Variants in PCM1 observed in about 807,000 individuals in gnomAD.
PCM1 encodes the protein pericentriolar material 1.
A neutral mutation model predicts 241.9 loss-of-function variants in PCM1; 157 were observed. The observed-to-expected ratio is 0.65, with a 90% CI of 0.57 to 0.74. The LOEUF is 0.74. Among genes scored for constraint, PCM1 ranks in the 30% least tolerant of loss-of-function variants. The pLI is 0.00. For synonymous variants in PCM1, 1,085 were observed against 784.9 expected (o/e 1.38, Z -6.39); for missense variants, 3,478 against 2,360.1 (o/e 1.47, Z -9.81).
intron 9 of PCM1, among the ~76,000 whole-genome samples, chr8:17,953,517 C>T (rs957761344): frequency 1.3e-5 from 2 of 151,686 alleles, no homozygotes; most frequent in African/African-American, 4.8e-5. Context: ...CAAAATTTTC[C>T]CTTAAAGAAA....
chr8:17,969,062 T>G (rs1410878079), intron 21 of PCM1, among the ~76,000 whole-genome samples: 1 of 152,072 alleles, frequency 6.6e-6, no homozygotes, highest in Non-Finnish European at 1.5e-5. Flanking sequence ...CAAATAGCTC[T>G]GATACATAAC....
At chr8:17,946,571 A>G (rs2063841282) in intron 6 of PCM1, among the ~76,000 whole-genome samples, 1 of 151,430 alleles carries the variant, frequency 6.6e-6, no homozygotes, top group Non-Finnish European at 1.5e-5. Context: ...GTCTCAGCTC[A>G]CTGCAATCTC....
intron 2 of PCM1, chr8:17,926,675 C>G (rs1235407399): frequency 6.6e-6 from 1 of 152,132 alleles, no homozygotes; most frequent in East Asian, 1.9e-4. Flanking sequence ...AGGATGCTAG[C>G]TAGCAAGGCA....
chr8:18,000,106 T>G (rs2088728357), intron 29 of PCM1, among the ~76,000 whole-genome samples: 1 of 152,200 alleles, frequency 6.6e-6, no homozygotes, highest in African/African-American at 2.4e-5. Flanking sequence ...AAGCTTCTAA[T>G]GAGGGAACAT....
chr8:17,981,617 G>C (rs761002430), intron 24 of PCM1, among the ~76,000 whole-genome samples: 3 of 152,212 alleles, frequency 2.0e-5, no homozygotes, highest in Non-Finnish European at 2.9e-5. Flanking sequence ...AGTATAAAAT[G>C]CATGCGTTTT....
intron 29 of PCM1, among the ~76,000 whole-genome samples, chr8:17,996,359 C>T (rs1289093684): frequency 2.0e-5 from 3 of 152,176 alleles, no homozygotes; most frequent in Non-Finnish European, 4.4e-5. Context: ...CTATGTTGAA[C>T]CATCCTTGCA....
chr8:18,007,513 T>A (rs200952386), intron 30 of PCM1, among the ~76,000 whole-genome samples: 1 of 152,306 alleles, frequency 6.6e-6, no homozygotes, highest in East Asian at 1.9e-4. Flanking sequence ...TTTATCAAGA[T>A]CCATGTAGCC....
chr8:17,999,497 G>A (rs1281938421), intron 29 of PCM1, among the ~76,000 whole-genome samples: 1 of 152,000 alleles, frequency 6.6e-6, no homozygotes, highest in Non-Finnish European at 1.5e-5. Context: ...CGACTCTGCC[G>A]GTGCCCTGTT....
chr8:17,964,265 A>G (rs1271621711), intron 17 of PCM1, among the ~76,000 whole-genome samples: 1 of 152,118 alleles, frequency 6.6e-6, no homozygotes, highest in Admixed American at 6.5e-5. Context: ...GCTGAACTGC[A>G]CTGATCTTGA....
intron 2 of PCM1, chr8:17,926,930 A>G (rs1400504450): frequency 6.6e-6 from 1 of 152,182 alleles, no homozygotes; most frequent in Non-Finnish European, 1.5e-5. Flanking sequence ...GGATATTGGA[A>G]TTGAGGCCAG....
chr8:17,930,616 C>T (rs1245804512), intron 2 of PCM1, among the ~76,000 whole-genome samples: 3 of 151,848 alleles, frequency 2.0e-5, no homozygotes, highest in South Asian at 2.1e-4. Context: ...CGGTGGCTCA[C>T]GCCTGTAATC....
At chr8:18,011,608 T>C (rs1588471603) in intron 33 of PCM1, 59 bp from the exon 34 acceptor site, 2 of 1,438,218 alleles carry the variant, frequency 1.4e-6, no homozygotes, top group East Asian at 4.9e-5. Context: ...CAGTAAGTGG[T>C]AGCTATTGTT....
At chr8:18,014,097 A>G in intron 35 of PCM1, 61 bp downstream of exon 35, 1 of 517,634 alleles carries the variant, frequency 1.9e-6, no homozygotes, top group South Asian at 3.4e-5. Flanking sequence ...TTTAAAGCTA[A>G]AAAAAAAAAA....
chr8:17,997,775 C>G (rs2087444621), intron 29 of PCM1, among the ~76,000 whole-genome samples: 1 of 151,512 alleles, frequency 6.6e-6, no homozygotes, highest in Non-Finnish European at 1.5e-5. Context: ...CCTGTGATCC[C>G]AGCACTTTGG....
At position 18,028,693 on chromosome 8, in the gene PCM1, T is replaced by C. The variant is rs1252344012; in HGVS notation, c.*1031T>C. On this transcript the variant is annotated 3_prime_UTR_variant, in exon 39 of 39. Transcript: ENST00000325083. ...TGCTTTTTATCCCAAACTGTCCATA[T>C]ACCCAGTAAGGCTTCAAAAAACCAG... 4.9e-6 allele frequency: 1 copy of C among 202,604 alleles called. No individual in the cohort carries two copies. Among genetic ancestry groups the C allele is most frequent in the Non-Finnish European group, 1.0e-5 (1 of 98,608 alleles). 12.6% of individuals were successfully genotyped at this position (202,604 alleles called of 1,614,324 possible).
intron 25 of PCM1, 30 bp from the exon 26 acceptor site, chr8:17,985,929 T>C (rs1172015777): frequency 2.9e-6 from 4 of 1,371,802 alleles, no homozygotes; most frequent in South Asian, 2.8e-5. Flanking sequence ...GTATGTTTTA[T>C]ATAAATGATG....
At chr8:17,969,509 TTTTAA>T (rs1386238680) in intron 21 of PCM1, 63 bp from the exon 22 acceptor site, 2 of 1,193,554 alleles carry the variant, frequency 1.7e-6, no homozygotes, top group Non-Finnish European at 2.4e-6. Flanking sequence ...TAAAACTGTC[TTTTAA>T]TTTCATTTTA....
intron 2 of PCM1, among the ~76,000 whole-genome samples, chr8:17,928,702 G>A (rs1203849115): frequency 7.4e-6 from 1 of 134,768 alleles, no homozygotes; most frequent in Non-Finnish European, 1.5e-5. Flanking sequence ...CACTATCTCC[G>A]CTCACTGTAA....
intron 17 of PCM1, 94 bp downstream of exon 17, chr8:17,963,385 C>A (rs960938270): frequency 1.2e-6 from 1 of 804,178 alleles, no homozygotes; most frequent in Non-Finnish European, 1.9e-6. Context: ...TACATCACAG[C>A]ACAAATCTGC....
Sources: allele counts gnomAD v4.1 joint callset (sites outside exome capture counted in the v4.1 genomes callset), GRCh38; gene constraint gnomAD v4.1.1; transcripts MANE v1.5; gene names NCBI Gene and HGNC (gene_info 2026-07-23, HGNC 2026-07-21).